FSTL5: variants seen among roughly 807,000 people sequenced by gnomAD.
FSTL5 encodes follistatin-related protein 5.
In FSTL5, 62 loss-of-function variants were observed where a neutral mutation model predicts 89.1. That is an observed-to-expected ratio of 0.70 (90% CI 0.57 to 0.86). FSTL5 has a LOEUF of 0.86. FSTL5 is among the 40% of genes least tolerant of loss of function. The pLI is 0.00. For synonymous variants in FSTL5, 383 were observed against 346.2 expected, an observed-to-expected ratio of 1.11 and a Z score of -1.18; for missense variants, 1,057 against 1,001.6, an observed-to-expected ratio of 1.06 and a Z score of -0.75.
At chr4:161,718,350 C>A (rs2126747624) in intron 6 of FSTL5, among the ~76,000 whole-genome samples, 1 of 152,132 alleles carries the variant, frequency 6.6e-6, no homozygotes, top group East Asian at 1.9e-4. Context: ...GAATTATTAG[C>A]ATTTTTATAT....
At chr4:161,640,719 GAGA>G (rs568330167) in intron 7 of FSTL5, among the ~76,000 whole-genome samples, 115 of 134,598 alleles carry the variant, frequency 8.5e-4, no homozygotes, top group African/African-American at 4.4e-3. Flanking sequence ...TCTCCAGAAG[GAGA>G]AGAAGCAGAG....
intron 2 of FSTL5, among the ~76,000 whole-genome samples, chr4:162,056,706 T>G (rs1485709590): frequency 6.6e-6 from 1 of 152,180 alleles, no homozygotes; most frequent in Non-Finnish European, 1.5e-5. Flanking sequence ...TAAAACATTT[T>G]TTTAAAGTTT....
At chr4:161,740,404 T>A (rs1739976239) in intron 6 of FSTL5, among the ~76,000 whole-genome samples, 1 of 152,038 alleles carries the variant, frequency 6.6e-6, no homozygotes, top group Admixed American at 6.6e-5. Flanking sequence ...TTATATACTA[T>A]CTAATTTGAG....
intron 6 of FSTL5, among the ~76,000 whole-genome samples, chr4:161,712,089 C>G (rs559455452): frequency 6.6e-6 from 1 of 152,216 alleles, no homozygotes; most frequent in Admixed American, 6.5e-5. Flanking sequence ...TTTGTTACTA[C>G]CTCTCTTCCA....
At chr4:162,054,346 A>T (rs191911149) in intron 2 of FSTL5, among the ~76,000 whole-genome samples, 1 of 151,914 alleles carries the variant, frequency 6.6e-6, no homozygotes, top group Non-Finnish European at 1.5e-5. Flanking sequence ...ATGATGAAAC[A>T]TTAGATGCAT....
intron 13 of FSTL5, among the ~76,000 whole-genome samples, chr4:161,462,483 C>T (rs891657347): frequency 3.3e-5 from 5 of 152,112 alleles, no homozygotes; most frequent in Non-Finnish European, 7.4e-5. Context: ...ATTCTGAAGC[C>T]AATTTCAAAC....
intron 12 of FSTL5, 87 bp downstream of exon 12, chr4:161,499,928 AT>A: frequency 1.3e-6 from 1 of 752,544 alleles, no homozygotes. Flanking sequence ...AGTCTCATAT[AT>A]GTATAGGTTT....
intron 6 of FSTL5, among the ~76,000 whole-genome samples, chr4:161,660,479 GTTTTA>G (rs903532134): frequency 7.9e-5 from 12 of 152,058 alleles, no homozygotes; most frequent in Non-Finnish European, 1.6e-4. Context: ...TATTTTTTAA[GTTTTA>G]TTTTAAGTTC....
chr4:162,161,372 A>G (rs1203137769), intron 1 of FSTL5, among the ~76,000 whole-genome samples: 1 of 151,904 alleles, frequency 6.6e-6, no homozygotes, highest in East Asian at 1.9e-4. Context: ...AGTGTCCCCT[A>G]TATGCTAAAT....
intron 1 of FSTL5, among the ~76,000 whole-genome samples, chr4:162,142,551 T>C (rs1454979496): frequency 6.6e-6 from 1 of 152,158 alleles, no homozygotes; most frequent in Non-Finnish European, 1.5e-5. Context: ...AGAGTTTTGC[T>C]AGTTTGTTGA....
chr4:161,688,513 G>T (rs770116391), intron 6 of FSTL5, among the ~76,000 whole-genome samples: 4 of 152,190 alleles, frequency 2.6e-5, no homozygotes, highest in Non-Finnish European at 5.9e-5. Flanking sequence ...GCCAGTCACA[G>T]AGCCAGTCCT....
chr4:161,774,944 A>C (rs1579082764), intron 5 of FSTL5, among the ~76,000 whole-genome samples: 1 of 152,178 alleles, frequency 6.6e-6, no homozygotes, highest in East Asian at 1.9e-4. Flanking sequence ...ATTAGAAAAG[A>C]CAATAAAAAT....
intron 8 of FSTL5, among the ~76,000 whole-genome samples, chr4:161,543,386 T>C (rs770080732): frequency 6.6e-6 from 1 of 151,814 alleles, no homozygotes; most frequent in Non-Finnish European, 1.5e-5. Context: ...TACTCCCAAG[T>C]TGACAAAGAC....
intron 6 of FSTL5, among the ~76,000 whole-genome samples, chr4:161,659,501 T>A (rs1361234904): frequency 1.3e-5 from 2 of 152,170 alleles, no homozygotes; most frequent in Non-Finnish European, 2.9e-5. Flanking sequence ...TATTGCAAGT[T>A]AAAAATGTTA....
intron 3 of FSTL5, among the ~76,000 whole-genome samples, chr4:161,947,129 G>A (rs1342926041): frequency 7.5e-6 from 1 of 133,400 alleles, no homozygotes; most frequent in Non-Finnish European, 1.7e-5. Context: ...ATATTTGTGG[G>A]GTGTGTGTGT....
intron 6 of FSTL5, among the ~76,000 whole-genome samples, chr4:161,755,674 C>T (rs924494239): frequency 6.6e-6 from 1 of 152,040 alleles, no homozygotes; most frequent in Admixed American, 6.5e-5. Flanking sequence ...CTTAATACAT[C>T]TGTCATTTTG....
intron 15 of FSTL5, among the ~76,000 whole-genome samples, chr4:161,430,163 C>T (rs1378194198): frequency 6.6e-6 from 1 of 151,344 alleles, no homozygotes; most frequent in African/African-American, 2.4e-5. Flanking sequence ...AATTAGTGAG[C>T]TTGAAGACAG....
intron 4 of FSTL5, among the ~76,000 whole-genome samples, chr4:161,810,694 T>C (rs1051600576): frequency 2.6e-5 from 4 of 152,220 alleles, no homozygotes; most frequent in Non-Finnish European, 5.9e-5. Context: ...ACTTACTTCA[T>C]AGCATTGTTC....
At chr4:162,133,512 T>G (rs1237743212) in intron 1 of FSTL5, among the ~76,000 whole-genome samples, 4 of 152,218 alleles carry the variant, frequency 2.6e-5, no homozygotes, top group African/African-American at 7.2e-5. Context: ...GTTTTTCATT[T>G]TGTTTTGTTT....
Sources: gnomAD v4.1 joint callset for allele counts (sites outside exome capture counted in the v4.1 genomes callset) on GRCh38, gnomAD v4.1.1 for gene constraint, MANE v1.5 for transcripts, NCBI Gene and HGNC (gene_info 2026-07-23, HGNC 2026-07-21) for gene names.